The following ANTXRL variants were observed in gnomAD, a reference collection of about 807,000 sequenced individuals.
ANTXRL encodes the protein ANTXR like.
A neutral mutation model predicts 75.4 loss-of-function variants in ANTXRL; 63 were observed. The ratio of observed to expected loss-of-function variants is 0.84; its 90% CI spans 0.68 to 1.03. The LOEUF is 1.03. Among genes scored for constraint, ANTXRL ranks in the 50% least tolerant of loss-of-function variants. ANTXRL has a pLI of 0.00. For missense variants in ANTXRL, 797 were observed against 789.4 expected (o/e 1.01, Z -0.12); for synonymous variants, 335 against 291.3 (o/e 1.15, Z -1.53).
At chr10:46,302,844 T>C in intron 10 of ANTXRL, 24 bp downstream of exon 10, 1 of 1,477,090 alleles carries the variant, frequency 6.8e-7, no homozygotes, top group Non-Finnish European at 9.1e-7. Context: ...TCTGTGCCTC[T>C]GAGTCACGTA....
chr10:46,329,657 C>T lies in ANTXRL; in HGVS notation c.1469C>T (p.Pro490Leu). 6.5e-7 allele frequency: 1 copy of T among 1,536,448 alleles called. No homozygotes were observed. Among genetic ancestry groups the T allele is most frequent in the South Asian group, 1.2e-5 (1 of 84,044 alleles). ...QSQYAQAPCCPRICFPHSQEC... is the reference protein window; with the variant it reads ...QSQYAQAPCCLRICFPHSQEC... ...CAATATGCACAGGCTCCCTGCTGCC[C>T]AAGGATCTGCTTTCCACACAGCCAG... The change falls in exon 17 of 17, where the codon CCA becomes CTA. Residue 490 changes from proline to leucine, a missense_variant. Transcript: ENST00000620264.
intron 2 of ANTXRL, 85 bp from the exon 3 acceptor site, chr10:46,293,744 G>T: frequency 9.0e-7 from 1 of 1,113,052 alleles, no homozygotes; most frequent in Non-Finnish European, 1.3e-6. Flanking sequence ...GGAAGAGTTG[G>T]GGTGGGAGGT....
intron 16 of ANTXRL, among the ~76,000 whole-genome samples, chr10:46,329,243 C>T (rs1350967865): frequency 6.6e-6 from 1 of 152,162 alleles, no homozygotes; most frequent in African/African-American, 2.4e-5. Context: ...AGCACTCATC[C>T]CTTCCACATG....
At chr10:46,306,654 G>C in intron 10 of ANTXRL, 149 bp from the exon 11 acceptor site, 1 of 569,472 alleles carries the variant, frequency 1.8e-6, no homozygotes, top group South Asian at 2.7e-5. Context: ...GGGTGTGGCG[G>C]GTGCTTGCAG....
Position 46,287,411 on chromosome 10 carries a change from CCCA to C in ANTXRL, c.159_161del (p.His54del), listed in dbSNP as rs1554955516. ...CGCCTGGCCCTGGGCTCCAGGAGAG[CCCA>C]CCACCACCATGGCCCAGGATGGAGG... is the stretch of plus-strand genomic sequence containing the variant. On this transcript the variant is annotated inframe_deletion, in exon 1 of 17. Coordinates refer to ENST00000620264, the MANE Select transcript of ANTXRL (RefSeq NM_001278688.3). 1.3e-6 allele frequency: 2 copies of C among 1,535,846 alleles called. No individual in the cohort carries two copies. The highest frequency in any genetic ancestry group is 1.4e-5 in the African/African-American group (1 of 73,056).
In ANTXRL at chr10:46,294,536, G is replaced by A. The variant is rs192373937; in HGVS notation, c.392+636G>A. Among the ~76,000 whole-genome samples, 39 of 152,244 alleles carry A rather than the reference G, an allele frequency of 2.6e-4. 1 individual carries two copies. The East Asian group carries it at 7.5e-3, about 29-fold the overall frequency. Reference sequence around the variant, plus strand: ...ACTTCCAATGCACATGCCCGGAACTGGGCCCAGAGGAGATGAAGCACAGAA... The same window carrying A: ...ACTTCCAATGCACATGCCCGGAACTAGGCCCAGAGGAGATGAAGCACAGAA... On this transcript the variant is annotated intron_variant, in intron 3 of 16. Transcript: ENST00000620264.
At chr10:46,305,236 G>C (rs1402846249) in intron 10 of ANTXRL, among the ~76,000 whole-genome samples, 2 of 152,116 alleles carry the variant, frequency 1.3e-5, no homozygotes, top group African/African-American at 2.4e-5. Flanking sequence ...TCTCTGTCCT[G>C]CATCAGTCCC....
At chr10:46,293,320 C>CTG in intron 2 of ANTXRL, among the ~76,000 whole-genome samples, 1 of 70,664 alleles carries the variant, frequency 1.4e-5, no homozygotes, top group South Asian at 4.8e-4. Flanking sequence ...GCGTGTGTGC[C>CTG]TGTGTGTGAG....
intron 15 of ANTXRL, among the ~76,000 whole-genome samples, 159 bp downstream of exon 15, chr10:46,311,824 C>G (rs188117319): frequency 6.6e-6 from 1 of 152,274 alleles, no homozygotes; most frequent in Non-Finnish European, 1.5e-5. Context: ...CAGATGCCCA[C>G]CTCACCCTCG....
At chr10:46,306,733 A>AGGACAGACATGGGGAGGAACAGT in intron 10 of ANTXRL, 70 bp from the exon 11 acceptor site, 1 of 1,345,250 alleles carries the variant, frequency 7.4e-7, no homozygotes, top group Middle Eastern at 1.8e-4. Context: ...CTGCATGCTG[A>AGGACAGACATGGGGAGGAACAGT]GGACAGACAT....
intron 5 of ANTXRL, 56 bp from the exon 6 acceptor site, chr10:46,297,196 C>T: frequency 6.9e-7 from 1 of 1,440,892 alleles, no homozygotes; most frequent in East Asian, 2.5e-5. Flanking sequence ...TCCGGAGCTT[C>T]TGGAGGTCAC....
At chr10:46,299,184 A>T (rs1223239625) in intron 9 of ANTXRL, among the ~76,000 whole-genome samples, 1 of 152,074 alleles carries the variant, frequency 6.6e-6, no homozygotes, top group Non-Finnish European at 1.5e-5. Context: ...AATAGGAAAC[A>T]GGAACCAAGC....
intron 16 of ANTXRL, among the ~76,000 whole-genome samples, chr10:46,317,166 A>C (rs1554964850): frequency 1.3e-5 from 2 of 152,156 alleles, no homozygotes; most frequent in Non-Finnish European, 2.9e-5. Flanking sequence ...TTTGGTTTTT[A>C]TTTAGAAGTT....
Position 46,297,859 on chromosome 10 carries a change from A to G in ANTXRL, c.683A>G (p.His228Arg), listed in dbSNP as rs782354251. The G allele has an allele frequency of 1.0e-5, 16 of 1,535,802 alleles. No homozygotes were observed. Reference sequence around the variant, plus strand: ...ACAGCAATTGCAGACAGCCCTGGCCACGTGTTTGCAGTGGAGAATGGCTTC... The same window carrying G: ...ACAGCAATTGCAGACAGCCCTGGCCGCGTGTTTGCAGTGGAGAATGGCTTC... Reference protein sequence around the residue: ...QITAIADSPGHVFAVENGFKA... With the variant: ...QITAIADSPGRVFAVENGFKA... The change falls in exon 8 of 17, where the codon CAC (histidine) becomes CGC (arginine). Residue 228 changes from histidine (H) to arginine (R), a missense_variant. His to Arg is a conservative substitution (Grantham distance 29). Coordinates refer to ENST00000620264, the MANE Select transcript of ANTXRL (RefSeq NM_001278688.3).
At chr10:46,300,422 C>T (rs12414349) in intron 9 of ANTXRL, among the ~76,000 whole-genome samples, 7,369 of 152,154 alleles carry the variant, frequency 0.048, 214 homozygotes, top group Middle Eastern at 0.11. Flanking sequence ...GCCTCCTATC[C>T]AGCCTGGGAG....
intron 16 of ANTXRL, 33 bp downstream of exon 16, chr10:46,313,349 C>T (rs536830516): frequency 3.3e-6 from 5 of 1,522,960 alleles, no homozygotes; most frequent in Middle Eastern, 1.7e-4. Context: ...AGTTGATGGA[C>T]AAAAGGCCAC....
At chr10:46,310,706 C>A (rs543518742) in intron 14 of ANTXRL, among the ~76,000 whole-genome samples, 2 of 152,204 alleles carry the variant, frequency 1.3e-5, no homozygotes, top group South Asian at 2.1e-4. Context: ...TTAACATAAG[C>A]CTTGTCACCA....
rs1565008730 is a variant in ANTXRL, at chr10:46,287,377, A to G, written c.115A>G (p.Ile39Val). 6.5e-7 allele frequency: 1 copy of G among 1,536,004 alleles called. No homozygotes were observed. The highest frequency in any genetic ancestry group is 2.4e-5 in the East Asian group (1 of 40,914). ...SLRYHGPDWR[I>V]FHRLALGSRR... Reference sequence around the variant, plus strand: ...TCGGTACCATGGACCTGACTGGAGAATATTTCACCGCCTGGCCCTGGGCTC... The same window carrying G: ...TCGGTACCATGGACCTGACTGGAGAGTATTTCACCGCCTGGCCCTGGGCTC... Residue 39 changes from isoleucine (I) to valine (V), a missense_variant, in exon 1 of 17, where the codon ATA becomes GTA. Ile to Val is a conservative substitution (Grantham distance 29). This residue lies in a region of ANTXRL where 262 missense variants were observed against 271.9 expected (regional missense o/e 0.96). Transcript: ENST00000620264.
Position 46,297,424 on chromosome 10 carries a change from C to G in ANTXRL, c.604C>G (p.Leu202Val). 1 of 1,535,912 alleles carries G rather than the reference C, an allele frequency of 6.5e-7. No individual in the cohort carries two copies. The highest frequency in any genetic ancestry group is 8.7e-7 in the Non-Finnish European group (1 of 1,146,760). ...CCCTTAGGCTCAAAAGGCTCGGAAA[C>G]TGGGGGCCAACGTTTACACCCTGGG... ...TLREAQKARK[L>V]GANVYTLGVA... The change falls in exon 7 of 17, where the codon CTG becomes GTG. Residue 202 changes from leucine (L) to valine (V), a missense_variant. Around this residue, in one of 3 missense-constraint regions of ANTXRL, gnomAD observed 262 missense variants for 271.9 expected, o/e 0.96. Coordinates refer to ENST00000620264, the MANE Select transcript of ANTXRL (RefSeq NM_001278688.3).
Sources: allele counts gnomAD v4.1 joint callset (sites outside exome capture counted in the v4.1 genomes callset), GRCh38; gene constraint gnomAD v4.1.1; regional missense constraint gnomAD v4.1.1; transcripts MANE v1.5; gene names NCBI Gene and HGNC (gene_info 2026-07-23, HGNC 2026-07-21).